The following KIF15 variants were observed in gnomAD, a reference collection of about 807,000 sequenced individuals.
KIF15 encodes the protein kinesin-like protein KIF15.
Under a neutral mutation model 190.6 loss-of-function variants are expected in KIF15, and 140 were observed. The ratio of observed to expected loss-of-function variants is 0.73; its 90% confidence interval spans 0.64 to 0.84. KIF15 has a LOEUF of 0.84. KIF15 is among the 40% of genes least tolerant of loss of function. KIF15 has a pLI of 0.00. For synonymous variants in KIF15, 528 were observed against 551.3 expected, an observed-to-expected ratio of 0.96 and a Z score of 0.59; for missense variants, 1,372 against 1,584.4, an observed-to-expected ratio of 0.87 and a Z score of 2.28.
At position 44,761,835 on chromosome 3, in the gene KIF15, A is replaced by T. The variant is rs993143288; in HGVS notation, c.-31A>T. ...GTCGGGAGGTGGAGGCACCGGCTGC[A>T]TTGTTTTCGGGATCGAGGGGTGAGG... On this transcript the variant is annotated 5_prime_UTR_variant, in exon 1 of 35. Transcript: ENST00000326047. The T allele has an allele frequency of 1.9e-6, 3 of 1,613,988 alleles. No homozygotes were observed. The highest frequency in any genetic ancestry group is 2.7e-5 in the African/African-American group (2 of 74,908).
Position 44,847,977 on chromosome 3 carries a change from C to A in KIF15, c.3696-8C>A, listed in dbSNP as rs1324412227. 6.3e-7 allele frequency: 1 copy of A among 1,598,292 alleles called. No individual in the cohort carries two copies. The highest frequency in any genetic ancestry group is 8.5e-7 in the Non-Finnish European group (1 of 1,171,200). On this transcript the variant is annotated splice_region_variant and splice_polypyrimidine_tract_variant and intron_variant, in intron 30 of 34. Coordinates refer to ENST00000326047, the MANE Select transcript of KIF15 (RefSeq NM_020242.3). The stretch of plus-strand genomic sequence containing the variant: ...TATGCCTCCTCCCACCCCTGTTAAT[C>A]TATGCAGTGATCAGAATCATCCAGA...
At chr3:44,826,558 G>A in intron 22 of KIF15, 98 bp downstream of exon 22, 1 of 803,770 alleles carries the variant, frequency 1.2e-6, no homozygotes, top group South Asian at 2.1e-5. Context: ...CCTGTAAAGA[G>A]TTATTTTTTT....
intron 1 of KIF15, among the ~76,000 whole-genome samples, chr3:44,773,223 G>C (rs1403992081): frequency 6.6e-6 from 1 of 152,088 alleles, no homozygotes; most frequent in Non-Finnish European, 1.5e-5. Context: ...TGCAGGGCTT[G>C]AAAGATGCCT....
intron 7 of KIF15, among the ~76,000 whole-genome samples, chr3:44,791,581 A>G (rs189891645): frequency 8.5e-5 from 13 of 152,286 alleles, no homozygotes; most frequent in East Asian, 1.9e-4. Context: ...GAGTCTCCCA[A>G]TCTATGAACA....
intron 19 of KIF15, 68 bp from the exon 20 acceptor site, chr3:44,814,843 T>C (rs1483305119): frequency 2.3e-6 from 3 of 1,295,482 alleles, no homozygotes; most frequent in Non-Finnish European, 3.2e-6. Context: ...ATTGTGGGAC[T>C]AGTACCTATC....
At chr3:44,848,361 T>A (rs1464594346) in intron 31 of KIF15, among the ~76,000 whole-genome samples, 160 bp from the exon 32 acceptor site, 1 of 152,230 alleles carries the variant, frequency 6.6e-6, no homozygotes, top group East Asian at 1.9e-4. Context: ...TGGAAATAGG[T>A]ACTTACTTTA....
chr3:44,777,488 T>A (rs1465222415), intron 3 of KIF15, among the ~76,000 whole-genome samples: 2 of 152,072 alleles, frequency 1.3e-5, no homozygotes, highest in Admixed American at 1.3e-4. Flanking sequence ...GGTCAGGAGT[T>A]TGAGACTAGC....
chr3:44,845,388 A>T (rs1279284277), intron 30 of KIF15, among the ~76,000 whole-genome samples: 2 of 152,170 alleles, frequency 1.3e-5, no homozygotes, highest in Non-Finnish European at 2.9e-5. Flanking sequence ...TGGATTTAGT[A>T]CTTAAATGAT....
chr3:44,835,857 A>G (rs1299688912), intron 26 of KIF15, among the ~76,000 whole-genome samples: 1 of 152,218 alleles, frequency 6.6e-6, no homozygotes, highest in African/African-American at 2.4e-5. Flanking sequence ...CAAAGCCAAA[A>G]CAATTTTTAC....
chr3:44,862,537 C>T (rs1197786520), intron 6 of KIF15: 1 of 152,612 alleles, frequency 6.6e-6, no homozygotes, highest in Non-Finnish European at 1.5e-5. Flanking sequence ...GGTGAGAAGC[C>T]TCTTGCCCAT....
chr3:44,786,670 A>C (rs889951618), intron 7 of KIF15, 96 bp downstream of exon 7: 7 of 949,194 alleles, frequency 7.4e-6, no homozygotes, highest in Non-Finnish European at 1.1e-5. Context: ...TACCAAAAAT[A>C]TGTCATAAAG....
chr3:44,861,536 C>G (rs1451646534), intron 6 of KIF15, among the ~76,000 whole-genome samples: 3 of 152,158 alleles, frequency 2.0e-5, no homozygotes, highest in East Asian at 3.9e-4. Context: ...GAAGCCTGGT[C>G]GACGTGGATG....
At position 44,786,458 on chromosome 3, in the gene KIF15, T is replaced by C. The variant is rs777160723; in HGVS notation, c.523T>C (p.Tyr175His). The change falls in exon 7 of 35, where the codon TAT becomes CAT. Residue 175 changes from tyrosine (Y) to histidine (H), a missense_variant. Tyr to His is a moderately conservative substitution (Grantham distance 83, BLOSUM62 2). Coordinates refer to ENST00000326047, the MANE Select transcript of KIF15 (RefSeq NM_020242.3). ...SFIEIYNEQIYDLLDSASAGL... is the reference protein window; with the variant it reads ...SFIEIYNEQIHDLLDSASAGL... ...TATTGAAATCTACAACGAGCAGATA[T>C]ATGATCTACTGGACTCTGCATCGGC... 5.6e-6 allele frequency: 9 copies of C among 1,613,546 alleles called. No individual in the cohort carries two copies. The highest frequency in any genetic ancestry group is 7.6e-6 in the Non-Finnish European group (9 of 1,179,678).
chr3:44,856,782 C>A (rs546669117), downstream of KIF15, among the ~76,000 whole-genome samples: 17 of 152,078 alleles, frequency 1.1e-4, no homozygotes, highest in Non-Finnish European at 2.1e-4. Flanking sequence ...ATTAAGGAGG[C>A]CTTAATGATG....
intron 20 of KIF15, among the ~76,000 whole-genome samples, chr3:44,816,093 C>T (rs572942556): frequency 4.2e-4 from 64 of 151,864 alleles, no homozygotes; most frequent in Non-Finnish European, 7.1e-4. Context: ...ATAATTATTA[C>T]TAATGAAATA....
chr3:44,844,432 A>C (rs1333890149), intron 30 of KIF15, among the ~76,000 whole-genome samples: 1 of 152,172 alleles, frequency 6.6e-6, no homozygotes, highest in Non-Finnish European at 1.5e-5. Context: ...CCTAGTTTTC[A>C]TATGCTCCAT....
At chr3:44,864,280 C>CA in intron 6 of KIF15, 1 of 1,614,196 alleles carries the variant, frequency 6.2e-7, no homozygotes, top group Non-Finnish European at 8.5e-7. Flanking sequence ...GCCGGGGCCT[C>CA]AGTTTCTCCA....
At chr3:44,865,086 G>C (rs1406258113) in intron 6 of KIF15, 1 of 1,614,178 alleles carries the variant, frequency 6.2e-7, no homozygotes, top group Non-Finnish European at 8.5e-7. Context: ...GAGGTCTTGT[G>C]GTGGGGAGGA....
intron 20 of KIF15, among the ~76,000 whole-genome samples, chr3:44,816,719 T>C (rs1174912104): frequency 6.6e-6 from 1 of 152,236 alleles, no homozygotes; most frequent in Non-Finnish European, 1.5e-5. Context: ...TGTGTCTTTA[T>C]AGTAGCATGA....
Sources: gnomAD v4.1 joint callset for allele counts (sites outside exome capture counted in the v4.1 genomes callset) on GRCh38, gnomAD v4.1.1 for gene constraint, MANE v1.5 for transcripts, NCBI Gene and HGNC (gene_info 2026-07-23, HGNC 2026-07-21) for gene names.